LPXN: variants seen among roughly 807,000 people sequenced by gnomAD.
LPXN encodes leupaxin.
A neutral mutation model predicts 45.6 loss-of-function variants in LPXN; 28 were observed. That is an observed-to-expected ratio of 0.61 (90% CI 0.45 to 0.84). The LOEUF is 0.84. Ranked by LOEUF, LPXN falls within the 40% of genes least tolerant of loss-of-function variation. The pLI is 0.00. For missense variants in LPXN, 459 were observed against 475.0 expected (o/e 0.97, Z 0.31); for synonymous variants, 166 against 169.9 (o/e 0.98, Z 0.18).
At chr11:58,532,468 A>G (rs1853420892) in intron 7 of LPXN, among the ~76,000 whole-genome samples, 1 of 152,238 alleles carries the variant, frequency 6.6e-6, no homozygotes, top group African/African-American at 2.4e-5. Flanking sequence ...TGCACCAATC[A>G]GCACTCTGTG....
intron 7 of LPXN, among the ~76,000 whole-genome samples, chr11:58,535,129 C>T (rs1355283753): frequency 1.3e-5 from 2 of 152,092 alleles, no homozygotes; most frequent in Admixed American, 6.5e-5. Flanking sequence ...GAAATTATTC[C>T]AAACAATAGA....
intron 7 of LPXN, among the ~76,000 whole-genome samples, chr11:58,530,220 G>A (rs1853346563): frequency 6.6e-6 from 1 of 152,158 alleles, no homozygotes; most frequent in African/African-American, 2.4e-5. Context: ...CCCTGGAAAG[G>A]GGGCTTAAGC....
chr11:58,555,751 C>A (rs543784958), intron 3 of LPXN, among the ~76,000 whole-genome samples: 1 of 105,032 alleles, frequency 9.5e-6, no homozygotes, highest in African/African-American at 3.3e-5. Context: ...CACACACACA[C>A]ACACACTCAC....
chr11:58,550,510 G>C (rs201298165), intron 5 of LPXN, among the ~76,000 whole-genome samples: 2 of 152,202 alleles, frequency 1.3e-5, no homozygotes, highest in Non-Finnish European at 2.9e-5. Flanking sequence ...AAGGCCAAAT[G>C]ACAGTTTTTA....
chr11:58,576,880 G>C (rs1412693317), upstream of LPXN, among the ~76,000 whole-genome samples: 2 of 152,130 alleles, frequency 1.3e-5, no homozygotes, highest in Non-Finnish European at 2.9e-5. Context: ...GAACTCAAGC[G>C]ATTTGCCCTT....
At chr11:58,576,023 G>T (rs1259035105), upstream of LPXN, 1 of 1,187,918 alleles carries the variant, frequency 8.4e-7, no homozygotes, top group Non-Finnish European at 1.1e-6. Flanking sequence ...CATTATGGCA[G>T]TGCATTGGCC....
intron 2 of LPXN, among the ~76,000 whole-genome samples, chr11:58,565,529 G>C (rs1174740431): frequency 7.1e-6 from 1 of 141,662 alleles, no homozygotes; most frequent in African/African-American, 2.6e-5. Flanking sequence ...GCGAGACTCG[G>C]TCTCAAAAAA....
intron 7 of LPXN, 118 bp from the exon 8 acceptor site, chr11:58,528,309 G>T: frequency 1.1e-6 from 1 of 919,648 alleles, no homozygotes; most frequent in Non-Finnish European, 1.7e-6. Flanking sequence ...GATGATTACT[G>T]TTACCTAATT....
At chr11:58,568,931 T>C (rs1378341164) in intron 2 of LPXN, among the ~76,000 whole-genome samples, 1 of 152,166 alleles carries the variant, frequency 6.6e-6, no homozygotes, top group Non-Finnish European at 1.5e-5. Context: ...GGTCTGACTT[T>C]AGTTTTTAAA....
intron 7 of LPXN, among the ~76,000 whole-genome samples, chr11:58,533,275 G>C (rs886864114): frequency 6.6e-6 from 1 of 152,224 alleles, no homozygotes; most frequent in Non-Finnish European, 1.5e-5. Flanking sequence ...CAGCCAAAGA[G>C]AAAGGTTGGG....
rs1415132502 is a variant in LPXN at position 58,551,141 on chromosome 11, T to C, written c.410A>G (p.Gln137Arg). ...SLDSMLGGLEQELQDLGIATV... is the reference protein window; with the variant it reads ...SLDSMLGGLERELQDLGIATV... Reference sequence around the variant, plus strand: ...GGCAATGCCAAGGTCCTGCAATTCCTGCTCCAGACCCCCAAGCATTGAGTC... The same window carrying C: ...GGCAATGCCAAGGTCCTGCAATTCCCGCTCCAGACCCCCAAGCATTGAGTC... The change falls in exon 5 of 9, where the codon CAG becomes CGG. Residue 137 changes from glutamine (Q) to arginine (R), a missense_variant. Physicochemically the swap from Gln to Arg is conservative, Grantham distance 43. Coordinates refer to ENST00000395074, the MANE Select transcript of LPXN (RefSeq NM_004811.3). 6.2e-7 allele frequency: 1 copy of C among 1,611,588 alleles called. No individual in the cohort carries two copies. Among genetic ancestry groups the C allele is most frequent in the South Asian group, 1.1e-5 (1 of 90,708 alleles).
intron 1 of LPXN, among the ~76,000 whole-genome samples, chr11:58,574,616 A>G (rs1854821268): frequency 2.0e-5 from 3 of 152,184 alleles, no homozygotes; most frequent in Admixed American, 2.0e-4. Context: ...TAGCACTACT[A>G]GAACTCAAGC....
At chr11:58,571,835 T>C (rs532227697) in intron 1 of LPXN, among the ~76,000 whole-genome samples, 1 of 152,152 alleles carries the variant, frequency 6.6e-6, no homozygotes, top group Non-Finnish European at 1.5e-5. Context: ...ATTTTGTAGA[T>C]CACAAGAAAG....
intron 3 of LPXN, 129 bp from the exon 4 acceptor site, chr11:58,555,069 G>C: frequency 1.7e-6 from 1 of 589,548 alleles, no homozygotes. Flanking sequence ...TCAGAGATGG[G>C]GGTATTTTAA....
In LPXN at chr11:58,528,145, T is replaced by C. The variant is rs776609154; in HGVS notation, c.789A>G (p.Leu263=). 1.9e-5 allele frequency: 31 copies of C among 1,614,102 alleles called. No individual in the cohort carries two copies. The highest frequency in any genetic ancestry group is 1.6e-4 in the Middle Eastern group (1 of 6,084). Residue 263 remains leucine (L), a synonymous_variant, in exon 8 of 9, where the codon TTA becomes TTG. Transcript: ENST00000395074. Reference sequence around the variant, plus strand: ...CACCACACTTGGGTGAGAACATGGCTAAGAAATCCTTTCGGCAATATGGCT... The same window carrying C: ...CACCACACTTGGGTGAGAACATGGCCAAGAAATCCTTTCGGCAATATGGCT... The part of the protein sequence containing the change: ...DKKPYCRKDF[L]AMFSPKCGGC...
Position 58,564,142 on chromosome 11 carries a change from GAA to G in LPXN, c.218+11_218+12del. The G allele has an allele frequency of 6.6e-7, 1 of 1,509,034 alleles. No homozygotes were observed. The highest frequency in any genetic ancestry group is 9.1e-7 in the Non-Finnish European group (1 of 1,102,782). The allele number at this position is 1,509,034 out of a possible 1,614,324, so 93.5% of individuals were successfully genotyped here. ...CTTTAATTTTTAAAAGCATTTAATAGAAAAAAAAATACCTGTAGACATTGAGC... is the reference window on the plus strand; with the variant it reads ...CTTTAATTTTTAAAAGCATTTAATAGAAAAAAATACCTGTAGACATTGAGC... On this transcript the variant is annotated intron_variant, in intron 3 of 8. Coordinates refer to ENST00000395074, the MANE Select transcript of LPXN (RefSeq NM_004811.3).
intron 2 of LPXN, among the ~76,000 whole-genome samples, chr11:58,567,303 T>G (rs894579633): frequency 1.3e-5 from 2 of 152,210 alleles, no homozygotes; most frequent in Non-Finnish European, 2.9e-5. Context: ...ATGTCAGATG[T>G]TTCACTTTTT....
At chr11:58,545,706 C>T (rs1266414774) in intron 7 of LPXN, among the ~76,000 whole-genome samples, 6 of 152,134 alleles carry the variant, frequency 3.9e-5, no homozygotes, top group African/African-American at 1.2e-4. Flanking sequence ...AGAGATCCAA[C>T]AGCCGAAGAG....
chr11:58,562,616 A>G (rs537991200), intron 3 of LPXN, among the ~76,000 whole-genome samples: 58 of 152,290 alleles, frequency 3.8e-4, no homozygotes, highest in African/African-American at 1.3e-3. Context: ...AAGAAGCAAA[A>G]CAGAAGACAC....
Sources: gnomAD v4.1 joint callset for allele counts (sites outside exome capture counted in the v4.1 genomes callset) on GRCh38, gnomAD v4.1.1 for gene constraint, MANE v1.5 for transcripts, NCBI Gene and HGNC (gene_info 2026-07-23, HGNC 2026-07-21) for gene names.